DLGAP2: variants seen among roughly 807,000 people sequenced by gnomAD.
DLGAP2 encodes the protein disks large-associated protein 2.
In DLGAP2, 26 loss-of-function variants were observed where a neutral mutation model predicts 100.3. The observed-to-expected ratio is 0.26, with a 90% CI of 0.19 to 0.36. The LOEUF is 0.36. Ranked by LOEUF, DLGAP2 falls within the 10% of genes least tolerant of loss-of-function variation. The pLI is 1.00. For missense variants in DLGAP2, 1,858 were observed against 1,453.2 expected (o/e 1.28, Z -4.53); for synonymous variants, 886 against 630.1 (o/e 1.41, Z -6.08).
intron 2 of DLGAP2, among the ~76,000 whole-genome samples, chr8:1,048,482 C>G (rs1223833570): frequency 6.6e-6 from 1 of 151,990 alleles, no homozygotes; most frequent in African/African-American, 2.4e-5. Context: ...CAGTGAATCT[C>G]TGGAAGGTGT....
intron 3 of DLGAP2, among the ~76,000 whole-genome samples, chr8:1,460,156 TC>T (rs2130150467): frequency 6.6e-6 from 1 of 152,282 alleles, no homozygotes; most frequent in South Asian, 2.1e-4. Flanking sequence ...ACACCATGCT[TC>T]CTTTGAAACA....
chr8:1,113,738 A>C (rs1327140939), intron 2 of DLGAP2, among the ~76,000 whole-genome samples: 1 of 152,086 alleles, frequency 6.6e-6, no homozygotes, highest in African/African-American at 2.4e-5. Context: ...ACTATGTTGA[A>C]TGGGACTAGT....
At chr8:1,353,206 C>T (rs1676382118) in intron 3 of DLGAP2, among the ~76,000 whole-genome samples, 3 of 152,200 alleles carry the variant, frequency 2.0e-5, no homozygotes, top group South Asian at 4.1e-4. Flanking sequence ...GCATTAGCTT[C>T]CTTCCATCTC....
intron 3 of DLGAP2, among the ~76,000 whole-genome samples, chr8:1,321,509 G>T (rs1216563289): frequency 2.0e-5 from 3 of 152,234 alleles, no homozygotes; most frequent in Non-Finnish European, 4.4e-5. Context: ...ATGCTGCTTG[G>T]CTGTCATGGG....
chr8:1,503,391 T>G (rs1302268244), intron 4 of DLGAP2, among the ~76,000 whole-genome samples: 1 of 152,136 alleles, frequency 6.6e-6, no homozygotes, highest in Non-Finnish European at 1.5e-5. Context: ...TGTTGTTTTG[T>G]GACTGCTCAT....
At chr8:801,783 G>A (rs1424531974) in intron 1 of DLGAP2, among the ~76,000 whole-genome samples, 3 of 152,174 alleles carry the variant, frequency 2.0e-5, no homozygotes, top group Admixed American at 2.0e-4. Flanking sequence ...TTTCTCTCCT[G>A]GGGGTTCACA....
chr8:1,302,758 C>G (rs999915163), intron 3 of DLGAP2, among the ~76,000 whole-genome samples: 1 of 152,254 alleles, frequency 6.6e-6, no homozygotes, highest in Non-Finnish European at 1.5e-5. Flanking sequence ...GGCTCTTGCC[C>G]CGCCTGGGGA....
At chr8:1,189,230 C>T (rs529552016) in intron 2 of DLGAP2, among the ~76,000 whole-genome samples, 21 of 146,680 alleles carry the variant, frequency 1.4e-4, no homozygotes, top group Admixed American at 2.7e-4. Context: ...GCCGGTTCCG[C>T]GGTTGGGGTT....
chr8:1,382,701 C>A (rs369645127), intron 3 of DLGAP2, among the ~76,000 whole-genome samples: 84 of 152,010 alleles, frequency 5.5e-4, no homozygotes, highest in East Asian at 5.2e-3. Context: ...ATGATCGTGC[C>A]GCTGCACTCC....
intron 2 of DLGAP2, among the ~76,000 whole-genome samples, chr8:1,171,827 C>G (rs1321782931): frequency 2.0e-5 from 3 of 152,182 alleles, no homozygotes; most frequent in African/African-American, 4.8e-5. Flanking sequence ...TGGGTCTTGA[C>G]TCTTTATCCA....
At chr8:812,803 A>G (rs1430604631) in intron 1 of DLGAP2, among the ~76,000 whole-genome samples, 3 of 152,234 alleles carry the variant, frequency 2.0e-5, no homozygotes, top group East Asian at 3.8e-4. Context: ...AAATTACAAC[A>G]TTCAGCTTTG....
intron 2 of DLGAP2, among the ~76,000 whole-genome samples, chr8:1,079,494 G>A (rs1803729158): frequency 6.6e-6 from 1 of 152,074 alleles, no homozygotes; most frequent in Non-Finnish European, 1.5e-5. Context: ...AGAAACAGAT[G>A]GTATCTTAAG....
intron 6 of DLGAP2, among the ~76,000 whole-genome samples, chr8:1,571,346 G>A (rs1802666809): frequency 1.4e-5 from 2 of 139,514 alleles, no homozygotes; most frequent in Non-Finnish European, 3.1e-5. Context: ...GGTGAACTGT[G>A]GGGGCATCTG....
chr8:837,936 T>C (rs1455057850), intron 1 of DLGAP2, among the ~76,000 whole-genome samples: 1 of 149,106 alleles, frequency 6.7e-6, no homozygotes, highest in East Asian at 2.0e-4. Context: ...GGTTTCGCCA[T>C]GTTGGCCAGG....
rs965731917 is a variant in DLGAP2 at position 1,703,697 on chromosome 8, A to C, written c.*2291A>C. On this transcript the variant is annotated 3_prime_UTR_variant, in exon 15 of 15. Coordinates refer to ENST00000637795, the MANE Select transcript of DLGAP2 (RefSeq NM_001346810.2). Reference sequence around the variant, plus strand: ...AAGCAAACTGTTAAAGTAGTCAATAATTATTTGTCTCAGATCCCAGATTCT... The same window carrying C: ...AAGCAAACTGTTAAAGTAGTCAATACTTATTTGTCTCAGATCCCAGATTCT... The C allele has an allele frequency of 1.3e-5, 2 of 152,260 alleles. No homozygotes were observed. Among genetic ancestry groups the C allele is most frequent in the Non-Finnish European group, 2.9e-5 (2 of 68,046 alleles). The allele number at this position is 152,260 out of a possible 1,614,324, so 9.4% of individuals were successfully genotyped here. A position where few individuals can be genotyped will look rare whatever the true frequency, so the allele number is the denominator to read the frequency against.
In DLGAP2 at chr8:1,303,253, C is replaced by T. The variant is rs577444709; in HGVS notation, c.106+44370C>T. 1.0e-3 allele frequency among the ~76,000 whole-genome samples: 155 copies of T among 152,144 alleles called. 1 individual carries two copies. The highest frequency in any genetic ancestry group is 3.4e-3 in the Middle Eastern group (1 of 294). ...TCTACTAAAAATACAAAAAACTAGCCGGGCGTGGTGGCGGGCGCCTGTAGT... is the reference window on the plus strand; with the variant it reads ...TCTACTAAAAATACAAAAAACTAGCTGGGCGTGGTGGCGGGCGCCTGTAGT... On this transcript the variant is annotated intron_variant, in intron 3 of 14. Transcript: ENST00000637795.
intron 6 of DLGAP2, among the ~76,000 whole-genome samples, chr8:1,612,772 C>G (rs1248844458): frequency 2.5e-5 from 3 of 120,122 alleles, no homozygotes; most frequent in Non-Finnish European, 3.5e-5. Flanking sequence ...ATTTATGCAG[C>G]CAAAAAACAC....
At chr8:1,218,154 A>G (rs1188856727) in intron 2 of DLGAP2, among the ~76,000 whole-genome samples, 1 of 152,096 alleles carries the variant, frequency 6.6e-6, no homozygotes, top group Non-Finnish European at 1.5e-5. Context: ...GCATCATACA[A>G]TGTTTGCCAA....
At chr8:817,001 C>T (rs938080448) in intron 1 of DLGAP2, among the ~76,000 whole-genome samples, 9 of 152,204 alleles carry the variant, frequency 5.9e-5, no homozygotes, top group Admixed American at 3.3e-4. Flanking sequence ...ATTAGCCTGG[C>T]GCGGTGGTGG....
Sources: allele counts gnomAD v4.1 joint callset (sites outside exome capture counted in the v4.1 genomes callset), GRCh38; gene constraint gnomAD v4.1.1; transcripts MANE v1.5; gene names NCBI Gene and HGNC (gene_info 2026-07-23, HGNC 2026-07-21).